The following PCDH11Y variants were observed in gnomAD, a reference collection of about 807,000 sequenced individuals.
PCDH11Y encodes the protein protocadherin 11 Y-linked, also known as protocadherin-11 Y-linked.
For missense variants in PCDH11Y, 12 were observed against 224.8 expected (o/e 0.05, Z 6.05); for synonymous variants, 9 against 83.6 (o/e 0.11, Z 4.87).
chrY:5,142,364 TC>T (rs2052852440), intron 2 of PCDH11Y, among the ~76,000 whole-genome samples: 1 of 32,858 alleles, frequency 3.0e-5, no homozygotes, highest in Admixed American at 2.8e-4. Context: ...TCTCTCTCTC[TC>T]TTTTCAAATA....
intron 3 of PCDH11Y, among the ~76,000 whole-genome samples, chrY:5,509,060 A>C: frequency 3.0e-5 from 1 of 32,983 alleles, no homozygotes; most frequent in Non-Finnish European, 7.4e-5. Flanking sequence ...TTAATGTTCT[A>C]AATTAAGATT....
intron 2 of PCDH11Y, among the ~76,000 whole-genome samples, chrY:5,222,631 G>T: frequency 3.2e-5 from 1 of 31,581 alleles, no homozygotes; most frequent in Admixed American, 2.9e-4. Flanking sequence ...TGAGTAGCTG[G>T]GATTACAGGC....
chrY:5,244,710 G>A, intron 2 of PCDH11Y, among the ~76,000 whole-genome samples: 1 of 34,313 alleles, frequency 2.9e-5, no homozygotes, highest in Non-Finnish European at 7.3e-5. Flanking sequence ...AAGCCACTCA[G>A]CACAAAATGG....
chrY:5,382,924 G>A (rs2053206527), intron 2 of PCDH11Y, among the ~76,000 whole-genome samples: 5 of 33,443 alleles, frequency 1.5e-4, no homozygotes, highest in South Asian at 1.3e-3. Context: ...CAAGAAGGCC[G>A]GTCGCGGTAG....
At chrY:5,502,748 T>C in intron 3 of PCDH11Y, among the ~76,000 whole-genome samples, 2 of 33,330 alleles carry the variant, frequency 6.0e-5, no homozygotes, top group Non-Finnish European at 1.5e-4. Context: ...TCATGCCCTG[T>C]TAAATAAGAA....
chrY:5,517,616 G>A, intron 3 of PCDH11Y, among the ~76,000 whole-genome samples: 1 of 32,782 alleles, frequency 3.1e-5, no homozygotes, highest in South Asian at 6.5e-4. Flanking sequence ...GACTTTCAAA[G>A]AAATGTAAGG....
intron 1 of PCDH11Y, among the ~76,000 whole-genome samples, chrY:5,001,946 G>C (rs2052531293): frequency 2.9e-5 from 1 of 33,916 alleles, no homozygotes; most frequent in Non-Finnish European, 7.3e-5. Flanking sequence ...AAGCGCTTAC[G>C]GGTGAGCCCT....
At chrY:5,676,793 T>C (rs1602958872) in intron 4 of PCDH11Y, among the ~76,000 whole-genome samples, 22 of 32,535 alleles carry the variant, frequency 6.8e-4, no homozygotes, top group Middle Eastern at 0.014. Flanking sequence ...AACAAGTCTC[T>C]GGGAAGTTCT....
chrY:5,420,291 A>T, intron 2 of PCDH11Y, among the ~76,000 whole-genome samples: 1 of 32,093 alleles, frequency 3.1e-5, no homozygotes, highest in Non-Finnish European at 7.6e-5. Context: ...TGACCATATG[A>T]CAGCCATAAA....
chrY:5,245,049 C>A (rs2124656036), intron 2 of PCDH11Y, among the ~76,000 whole-genome samples: 1 of 33,015 alleles, frequency 3.0e-5, no homozygotes, highest in East Asian at 8.3e-4. Context: ...GGCAGGGCCT[C>A]CCTGCAGGAA....
intron 1 of PCDH11Y, among the ~76,000 whole-genome samples, chrY:5,096,432 G>A: frequency 4.7e-5 from 1 of 21,433 alleles, no homozygotes. Context: ...AAATTATTTA[G>A]ATGTACGTGT....
intron 2 of PCDH11Y, among the ~76,000 whole-genome samples, chrY:5,270,494 G>A (rs2124659420): frequency 4.5e-5 from 1 of 22,146 alleles, no homozygotes; most frequent in African/African-American, 1.8e-4. Context: ...GCAACAGAGC[G>A]AGACTCCATT....
At chrY:5,182,229 T>C (rs2052900979) in intron 2 of PCDH11Y, among the ~76,000 whole-genome samples, 1 of 32,821 alleles carries the variant, frequency 3.0e-5, no homozygotes, top group Non-Finnish European at 7.5e-5. Context: ...CCTCAGTTTC[T>C]CCCATACCTG....
chrY:5,599,662 T>C, intron 4 of PCDH11Y, among the ~76,000 whole-genome samples: 1 of 33,457 alleles, frequency 3.0e-5, no homozygotes, highest in Non-Finnish European at 7.4e-5. Context: ...ATCTATACAC[T>C]TCTATTTTTA....
chrY:5,199,130 A>G, intron 2 of PCDH11Y, among the ~76,000 whole-genome samples: 1 of 31,285 alleles, frequency 3.2e-5, no homozygotes, highest in African/African-American at 1.3e-4. Flanking sequence ...ACTAGGGGGC[A>G]GTGATAGGAG....
chrY:5,643,641 G>T, intron 4 of PCDH11Y, among the ~76,000 whole-genome samples: 1 of 23,377 alleles, frequency 4.3e-5, no homozygotes, highest in Non-Finnish European at 9.6e-5. Flanking sequence ...AATGAGACAA[G>T]AATATTTATT....
At chrY:5,216,525 GT>G (rs1206933768) in intron 2 of PCDH11Y, among the ~76,000 whole-genome samples, 5 of 28,584 alleles carry the variant, frequency 1.7e-4, no homozygotes, top group South Asian at 1.6e-3. Context: ...TGTCACTTAA[GT>G]TTTTTTTTTA....
At position 5,303,039 on chromosome Y, in the gene PCDH11Y, C is replaced by T. The variant is rs1210345814; in HGVS notation, c.3130-198018C>T. 1.2e-4 allele frequency among the ~76,000 whole-genome samples: 4 copies of T among 32,589 alleles called. No individual in the cohort carries two copies. In the East Asian group the frequency reaches 3.2e-3, roughly 26 times the overall value. 87.4% of individuals were successfully genotyped at this position (32,589 alleles called of 37,273 possible). On this transcript the variant is annotated intron_variant, in intron 2 of 4. Transcript: ENST00000400457. ...CATTTAGGTAAGTTTTCTTGAAACACGCTTATGATATTTGCAGGGATAACA... is the reference window on the plus strand; with the variant it reads ...CATTTAGGTAAGTTTTCTTGAAACATGCTTATGATATTTGCAGGGATAACA...
intron 2 of PCDH11Y, among the ~76,000 whole-genome samples, chrY:5,233,795 T>C (rs2052971215): frequency 6.0e-5 from 2 of 33,368 alleles, no homozygotes; most frequent in African/African-American, 1.2e-4. Flanking sequence ...AAAATAGAGC[T>C]GTGGTTTGCT....
Sources: allele counts gnomAD v4.1 joint callset (sites outside exome capture counted in the v4.1 genomes callset), GRCh38; gene constraint gnomAD v4.1.1; transcripts MANE v1.5; gene names NCBI Gene and HGNC (gene_info 2026-07-23, HGNC 2026-07-21).